The following WDCP variants were observed in gnomAD, a reference collection of about 807,000 sequenced individuals.
The protein encoded by WDCP is WD repeat and coiled-coil-containing protein.
WDCP carries 19 observed loss-of-function variants against 41.6 expected under a neutral mutation model. That is an observed-to-expected ratio of 0.46 (90% CI 0.32 to 0.67). The LOEUF (loss-of-function observed/expected upper bound fraction) is 0.67. Ranked by LOEUF, WDCP falls within the 30% of genes least tolerant of loss-of-function variation. WDCP has a pLI of 0.04. For missense variants in WDCP, 802 were observed against 850.7 expected, an observed-to-expected ratio of 0.94 and a Z score of 0.71; for synonymous variants, 302 against 320.8, an observed-to-expected ratio of 0.94 and a Z score of 0.63.
At position 24,037,968 on chromosome 2, in the gene WDCP, G is replaced by A. The variant is rs778374387; in HGVS notation, c.1527C>T (p.Gly509=). The change falls in exon 2 of 4, where the codon GGC becomes GGT. Residue 509 remains glycine, a synonymous_variant. Coordinates refer to ENST00000295148, the MANE Select transcript of WDCP (RefSeq NM_025203.3). ...IQSPLSSICD[G]SIALDAEPVT... ...CAGGCTCAGCATCTAGAGCTATGGAGCCATCACAGATACTAGACAGAGGAC... is the reference window on the plus strand; with the variant it reads ...CAGGCTCAGCATCTAGAGCTATGGAACCATCACAGATACTAGACAGAGGAC... The A allele has an allele frequency of 3.7e-6, 6 of 1,614,184 alleles. No homozygotes were observed. Among genetic ancestry groups the A allele is most frequent in the South Asian group, 3.3e-5 (3 of 91,084 alleles).
chr2:24,036,343 TAA>T (rs767621297), intron 2 of WDCP, among the ~76,000 whole-genome samples: 5 of 138,792 alleles, frequency 3.6e-5, no homozygotes, highest in Non-Finnish European at 1.6e-5. Flanking sequence ...CTGTCTCTGC[TAA>T]AAAAAAAAAA....
chr2:24,032,654 C>A (rs1265727228), intron 3 of WDCP, among the ~76,000 whole-genome samples, 175 bp downstream of exon 3: 1 of 152,112 alleles, frequency 6.6e-6, no homozygotes, highest in Non-Finnish European at 1.5e-5. Flanking sequence ...GCACTCTGGC[C>A]TGGGCAACAG....
At chr2:24,034,720 G>C (rs1663190877) in intron 2 of WDCP, among the ~76,000 whole-genome samples, 1 of 151,726 alleles carries the variant, frequency 6.6e-6, no homozygotes. Context: ...AAAACAGGTG[G>C]GTGCCATCAC....
chr2:24,043,699 T>A (rs1663523446), intron 1 of WDCP, among the ~76,000 whole-genome samples: 1 of 152,216 alleles, frequency 6.6e-6, no homozygotes, highest in South Asian at 2.1e-4. Context: ...TGCTTCCCTG[T>A]CACTGAATCT....
Position 24,032,956 on chromosome 2 carries a change from A to C in WDCP, c.1819-10T>G. 2 of 1,520,000 alleles carry C rather than the reference A, an allele frequency of 1.3e-6. No homozygotes were observed. Among genetic ancestry groups the C allele is most frequent in the Non-Finnish European group, 1.8e-6 (2 of 1,095,616 alleles). 94.2% of individuals were successfully genotyped at this position (1,520,000 alleles called of 1,614,324 possible). On this transcript the variant is annotated splice_polypyrimidine_tract_variant and intron_variant, in intron 2 of 3. Coordinates refer to ENST00000295148, the MANE Select transcript of WDCP (RefSeq NM_025203.3). ...CTAGATAATAAGGTTTCTGCAAATA[A>C]AAAATAAAAGTTGTTAAACTGATTG... is the stretch of plus-strand genomic sequence containing the variant.
chr2:24,037,769 A>T lies in WDCP; in HGVS notation c.1726T>A (p.Ser576Thr). 6.2e-7 allele frequency: 1 copy of T among 1,614,250 alleles called. No homozygotes were observed. The highest frequency in any genetic ancestry group is 1.1e-5 in the South Asian group (1 of 91,088). The part of the protein sequence containing the change: ...RNLVEMQRCL[S>T]ELTNRLHNGK... ...TTATGCAGACGGTTTGTAAGTTCAGAAAGACACCGTTGCATTTCAACCAGG... is the reference window on the plus strand; with the variant it reads ...TTATGCAGACGGTTTGTAAGTTCAGTAAGACACCGTTGCATTTCAACCAGG... The change falls in exon 2 of 4, where the codon TCT becomes ACT. Residue 576 changes from serine to threonine, a missense_variant. By Grantham distance (58) the Ser-to-Thr change is moderately conservative. Coordinates refer to ENST00000295148, the MANE Select transcript of WDCP (RefSeq NM_025203.3).
Position 24,030,825 on chromosome 2 carries a change from G to A in WDCP, c.*108C>T, listed in dbSNP as rs1368798495. Reference sequence around the variant, plus strand: ...ACCAGGAGAGCCGACCATGGCAAGCGCTTCGCCTGAGTGCAGTGGGAGTCT... The same window carrying A: ...ACCAGGAGAGCCGACCATGGCAAGCACTTCGCCTGAGTGCAGTGGGAGTCT... On this transcript the variant is annotated 3_prime_UTR_variant, in exon 4 of 4. Transcript: ENST00000295148. 5 of 828,210 alleles carry A rather than the reference G, an allele frequency of 6.0e-6. No individual in the cohort carries two copies. The highest frequency in any genetic ancestry group is 1.8e-5 in the South Asian group (1 of 56,322). The allele number at this position is 828,210 out of a possible 1,614,324, so 51.3% of individuals were successfully genotyped here. A position where few individuals can be genotyped will look rare whatever the true frequency, so the allele number is the denominator to read the frequency against.
intron 2 of WDCP, among the ~76,000 whole-genome samples, chr2:24,033,476 TCA>T (rs982136665): frequency 1.3e-5 from 2 of 152,216 alleles, no homozygotes; most frequent in African/African-American, 4.8e-5. Context: ...GCACAGTGGC[TCA>T]CCCCTTAGTA....
Position 24,032,899 on chromosome 2 carries a change from G to A in WDCP, c.1866C>T (p.Leu622=). The stretch of plus-strand genomic sequence containing the variant: ...TACTGAGCCTTAGTTTACCATCACA[G>A]AGAAGCACCGCTCTTTTTTCAACAA... ...GPVVEKRAVL[L]CDGKLRLSTV... The change falls in exon 3 of 4, where the codon CTC becomes CTT. Residue 622 remains leucine, a synonymous_variant. Coordinates refer to ENST00000295148, the MANE Select transcript of WDCP (RefSeq NM_025203.3). The A allele has an allele frequency of 6.2e-7, 1 of 1,613,838 alleles. No homozygotes were observed. Among genetic ancestry groups the A allele is most frequent in the South Asian group, 1.1e-5 (1 of 91,076 alleles).
At position 24,037,963 on chromosome 2, in the gene WDCP, A is replaced by G. The variant is rs1156784574; in HGVS notation, c.1532T>C (p.Ile511Thr). The G allele has an allele frequency of 3.7e-6, 6 of 1,614,090 alleles. No individual in the cohort carries two copies. Among genetic ancestry groups the G allele is most frequent in the African/African-American group, 1.3e-5 (1 of 74,932 alleles). ...SPLSSICDGSIALDAEPVTQP... is the reference protein window; with the variant it reads ...SPLSSICDGSTALDAEPVTQP... ...GGTAACAGGCTCAGCATCTAGAGCT[A>G]TGGAGCCATCACAGATACTAGACAG... is the stretch of plus-strand genomic sequence containing the variant. The change falls in exon 2 of 4, where the codon ATA (isoleucine) becomes ACA (threonine). Residue 511 changes from isoleucine (I) to threonine (T), a missense_variant. This residue lies in a region of WDCP where 321 missense variants were observed against 305.1 expected (regional missense o/e 1.05). Coordinates refer to ENST00000295148, the MANE Select transcript of WDCP (RefSeq NM_025203.3).
Position 24,038,606 on chromosome 2 carries a change from C to A in WDCP, c.889G>T (p.Gly297Cys). The A allele has an allele frequency of 6.2e-7, 1 of 1,614,034 alleles. No individual in the cohort carries two copies. Among genetic ancestry groups the A allele is most frequent in the East Asian group, 2.2e-5 (1 of 44,886 alleles). Residue 297 changes from glycine to cysteine, a missense_variant, in exon 2 of 4, where the codon GGT (glycine) becomes TGT (cysteine). Physicochemically the swap from Gly to Cys is radical, Grantham distance 159. Around this residue, in one of 5 missense-constraint regions of WDCP, gnomAD observed 247 missense variants for 240.5 expected, o/e 1.03. Coordinates refer to ENST00000295148, the MANE Select transcript of WDCP (RefSeq NM_025203.3). ...TTTCTTAGACAAATAAGAGAATTAC[C>A]CTCAGACTTATGTTGATTGAAATGT... ...HIHFNQHKSE[G>C]NSLICLRKKD... is the part of the protein sequence containing the mutation.
chr2:24,041,950 T>C (rs1235476423), intron 1 of WDCP, among the ~76,000 whole-genome samples: 2 of 151,796 alleles, frequency 1.3e-5, no homozygotes, highest in Admixed American at 6.6e-5. Flanking sequence ...ATACTCACTT[T>C]GAAATATAAA....
rs1394010104 is a variant in WDCP, at chr2:24,037,813, A to G, written c.1682T>C (p.Val561Ala). ...AACCAGGTTCCTAGATAAAATTTCC[A>G]CTTCCTTAGACAGCTGATAAGTTTC... ...EKETYQLSKE[V>A]EILSRNLVEM... Residue 561 changes from valine to alanine, a missense_variant, in exon 2 of 4, where the codon GTG becomes GCG. This residue lies in a region of WDCP where 321 missense variants were observed against 305.1 expected (regional missense o/e 1.05). Coordinates refer to ENST00000295148, the MANE Select transcript of WDCP (RefSeq NM_025203.3). 1 of 1,614,226 alleles carries G rather than the reference A, an allele frequency of 6.2e-7. No individual in the cohort carries two copies. The highest frequency in any genetic ancestry group is 8.5e-7 in the Non-Finnish European group (1 of 1,180,034).
rs763503414 is a variant in WDCP, at chr2:24,038,660, A to T, written c.835T>A (p.Tyr279Asn). Reference sequence around the variant, plus strand: ...TGAGTTAGATCCAGAGGTTCTAAATAGGAAGAAGAAACTGATACTTCAGAA... The same window carrying T: ...TGAGTTAGATCCAGAGGTTCTAAATTGGAAGAAGAAACTGATACTTCAGAA... ...TNSEVSVSSSYLEPLDLTHIH... is the reference protein window; with the variant it reads ...TNSEVSVSSSNLEPLDLTHIH... Residue 279 changes from tyrosine (Y) to asparagine (N), a missense_variant, in exon 2 of 4, where the codon TAT becomes AAT. Tyr to Asn is a moderately radical substitution (Grantham distance 143, BLOSUM62 -2). This residue lies in a region of WDCP where 247 missense variants were observed against 240.5 expected (regional missense o/e 1.03). Transcript: ENST00000295148. 4 of 1,614,250 alleles carry T rather than the reference A, an allele frequency of 2.5e-6. No individual in the cohort carries two copies. The highest frequency in any genetic ancestry group is 3.4e-6 in the Non-Finnish European group (4 of 1,180,026).
In WDCP at chr2:24,032,849, G is replaced by T; in HGVS notation, c.1916C>A (p.Ser639Tyr). 6.2e-7 allele frequency: 1 copy of T among 1,611,332 alleles called. No individual in the cohort carries two copies. Among genetic ancestry groups the T allele is most frequent in the Non-Finnish European group, 8.5e-7 (1 of 1,177,562 alleles). The change falls in exon 3 of 4, where the codon TCT becomes TAT. Residue 639 changes from serine (S) to tyrosine (Y), a missense_variant. By Grantham distance (144) the Ser-to-Tyr change is moderately radical. Coordinates refer to ENST00000295148, the MANE Select transcript of WDCP (RefSeq NM_025203.3). ...CCTACCATGTAGCATTTCAATGAGAGAAAGGCCAAAAGTCTGCTGAACTGT... is the reference window on the plus strand; with the variant it reads ...CCTACCATGTAGCATTTCAATGAGATAAAGGCCAAAAGTCTGCTGAACTGT... ...LSTVQQTFGL[S>Y]LIEMLHDSHW...
chr2:24,038,099 T>C lies in WDCP; in HGVS notation c.1396A>G (p.Ser466Gly), dbSNP rs756846591. The change falls in exon 2 of 4, where the codon AGT becomes GGT. Residue 466 changes from serine to glycine, a missense_variant. Ser to Gly is a moderately conservative substitution (Grantham distance 56). Transcript: ENST00000295148. ...NKANRKKLIE[S>G]LSPDFCHQNK... ...TGGTGACAAAAATCTGGGGAAAGAC[T>C]TTCAATTAACTTTTTTCTATTTGCT... 4 of 1,614,226 alleles carry C rather than the reference T, an allele frequency of 2.5e-6. No individual in the cohort carries two copies. The highest frequency in any genetic ancestry group is 1.7e-5 in the Admixed American group (1 of 60,010).
intron 1 of WDCP, chr2:24,045,718 A>T (rs536391415): frequency 6.6e-6 from 1 of 151,924 alleles, no homozygotes; most frequent in Non-Finnish European, 1.5e-5. Context: ...AACACCTGTA[A>T]TCCCAGCACT....
chr2:24,034,587 T>TC (rs1346895906), intron 2 of WDCP, among the ~76,000 whole-genome samples: 16 of 151,148 alleles, frequency 1.1e-4, no homozygotes, highest in Middle Eastern at 3.2e-3. Context: ...TTTTTTTTTT[T>TC]TTTTGAGACA....
At chr2:24,046,693 C>A (rs768445003) in intron 1 of WDCP, among the ~76,000 whole-genome samples, 1 of 152,088 alleles carries the variant, frequency 6.6e-6, no homozygotes, top group African/African-American at 2.4e-5. Flanking sequence ...ATTTCAAGTT[C>A]TTTACACTTA....
Sources: allele counts gnomAD v4.1 joint callset (sites outside exome capture counted in the v4.1 genomes callset), GRCh38; gene constraint gnomAD v4.1.1; regional missense constraint gnomAD v4.1.1; transcripts MANE v1.5; gene names NCBI Gene and HGNC (gene_info 2026-07-23, HGNC 2026-07-21).